SFXN4: variants seen among roughly 807,000 people sequenced by gnomAD.
SFXN4 encodes sideroflexin 4, also known as sideroflexin-4.
A neutral mutation model predicts 54.6 loss-of-function variants in SFXN4; 48 were observed. The observed-to-expected ratio is 0.88, with a 90% confidence interval of 0.70 to 1.12. The LOEUF is 1.12. Ranked by LOEUF, SFXN4 falls within the 50% of genes most tolerant of loss-of-function variation. SFXN4 has a pLI of 0.00. For missense variants in SFXN4, 383 were observed against 409.2 expected, an observed-to-expected ratio of 0.94 and a Z score of 0.55; for synonymous variants, 130 against 145.5, an observed-to-expected ratio of 0.89 and a Z score of 0.77.
chr10:119,164,067 G>T, intron 2 of SFXN4, 64 bp downstream of exon 2: 1 of 785,766 alleles, frequency 1.3e-6, no homozygotes, highest in Non-Finnish European at 2.1e-6. Context: ...AAAAAAAAGG[G>T]ACACACAGAC....
chr10:119,162,197 A>G (rs1362880304), intron 3 of SFXN4, 143 bp downstream of exon 3: 2 of 672,258 alleles, frequency 3.0e-6, no homozygotes, highest in Non-Finnish European at 5.2e-6. Context: ...TTAATAGCCA[A>G]TAGAACAGTG....
In SFXN4 at chr10:119,158,794, G is replaced by GC. The variant is rs1398978438; in HGVS notation, c.361-733dup. ...GGCCAGGAGTTCGACACCAGCCTGAGCAATGTAGCAAGACTCAGACTCTGG... is the reference window on the plus strand; with the variant it reads ...GGCCAGGAGTTCGACACCAGCCTGAGCCAATGTAGCAAGACTCAGACTCTGG... On this transcript the variant is annotated intron_variant, in intron 6 of 13. Transcript: ENST00000355697. Among the ~76,000 whole-genome samples the GC allele has an allele frequency of 2.6e-5, 4 of 151,898 alleles. No homozygotes were observed. The East Asian group carries it at 7.7e-4, about 29-fold the overall frequency.
At chr10:119,165,073 A>T in intron 1 of SFXN4, 1 of 304,944 alleles carries the variant, frequency 3.3e-6, no homozygotes, top group Non-Finnish European at 4.8e-6. Context: ...AATTACCTGT[A>T]AGGCTCACAT....
At chr10:119,158,573 G>A (rs926564081) in intron 6 of SFXN4, among the ~76,000 whole-genome samples, 11 of 133,914 alleles carry the variant, frequency 8.2e-5, no homozygotes, top group African/African-American at 3.2e-4. Flanking sequence ...CCAAGATCAT[G>A]CCATTGCACT....
At chr10:119,163,075 G>A (rs1325278625) in intron 2 of SFXN4, among the ~76,000 whole-genome samples, 3 of 152,088 alleles carry the variant, frequency 2.0e-5, no homozygotes, top group Non-Finnish European at 4.4e-5. Context: ...TGGGATTATA[G>A]ACATGAGCCA....
chr10:119,145,745 A>G (rs980441636), intron 13 of SFXN4, among the ~76,000 whole-genome samples: 5 of 152,134 alleles, frequency 3.3e-5, no homozygotes, highest in Non-Finnish European at 5.9e-5. Flanking sequence ...TTAATGGTTA[A>G]GTTTTCAGGG....
chr10:119,162,520 C>G, intron 2 of SFXN4, 106 bp from the exon 3 acceptor site: 2 of 840,262 alleles, frequency 2.4e-6, no homozygotes, highest in Non-Finnish European at 3.9e-6. Flanking sequence ...TGGACTTCGA[C>G]TGCATGCCTG....
intron 13 of SFXN4, among the ~76,000 whole-genome samples, chr10:119,143,430 T>C (rs997915520): frequency 1.3e-5 from 2 of 151,822 alleles, no homozygotes; most frequent in Admixed American, 6.6e-5. Flanking sequence ...TGACCTCCCA[T>C]GCTCAGGTGA....
At position 119,141,298 on chromosome 10, in the gene SFXN4, C is replaced by G. The variant is rs917263375; in HGVS notation, c.958G>C (p.Glu320Gln). The G allele has an allele frequency of 6.2e-7, 1 of 1,605,774 alleles. No homozygotes were observed. Among genetic ancestry groups the G allele is most frequent in the Non-Finnish European group, 8.5e-7 (1 of 1,172,660 alleles). Residue 320 changes from glutamate to glutamine, a missense_variant, in exon 14 of 14, where the codon GAG becomes CAG. Physicochemically the swap from Glu to Gln is conservative, Grantham distance 29. Transcript: ENST00000355697. ...IGQIQYCSLE[E>Q]KIQSPTEETE... is the part of the protein sequence containing the mutation. Reference sequence around the variant, plus strand: ...TCTTCTGTTGGAGACTGAATTTTCTCTTCAAGACTACAGTACTGTATCTGA... The same window carrying G: ...TCTTCTGTTGGAGACTGAATTTTCTGTTCAAGACTACAGTACTGTATCTGA...
chr10:119,151,381 CAAAA>C (rs201088205), intron 11 of SFXN4, among the ~76,000 whole-genome samples: 2 of 110,696 alleles, frequency 1.8e-5, no homozygotes, highest in African/African-American at 7.4e-5. Flanking sequence ...AACAAACAAA[CAAAA>C]AAAAAGAAGC....
intron 12 of SFXN4, 113 bp from the exon 13 acceptor site, chr10:119,146,466 T>C (rs571014222): frequency 0.017 from 7,481 of 431,100 alleles, 121 homozygotes; most frequent in South Asian, 0.022. Flanking sequence ...TGTGTGCACG[T>C]GTGTGTGTAC....
chr10:119,163,982 G>C (rs1449615946), intron 2 of SFXN4, 149 bp downstream of exon 2: 2 of 575,358 alleles, frequency 3.5e-6, no homozygotes, highest in Non-Finnish European at 6.0e-6. Context: ...AGAGGTTCTT[G>C]TGAGCCGAGA....
chr10:119,158,530 C>T (rs1326896113), intron 6 of SFXN4, among the ~76,000 whole-genome samples: 1 of 144,830 alleles, frequency 6.9e-6, no homozygotes, highest in African/African-American at 2.6e-5. Context: ...GCAGAAGAAT[C>T]GCTTGAATCT....
At chr10:119,161,186 T>C in intron 3 of SFXN4, 105 bp from the exon 4 acceptor site, 1 of 1,099,860 alleles carries the variant, frequency 9.1e-7, no homozygotes, top group South Asian at 1.3e-5. Context: ...CAATCATCAC[T>C]CACTGCAGAA....
intron 11 of SFXN4, 45 bp downstream of exon 11, chr10:119,155,017 C>T (rs758812480): frequency 3.7e-6 from 5 of 1,347,852 alleles, no homozygotes; most frequent in South Asian, 2.4e-5. Context: ...AAAGTCTAGT[C>T]GTTGCCCAAA....
intron 11 of SFXN4, among the ~76,000 whole-genome samples, chr10:119,148,608 C>T (rs950220402): frequency 2.0e-5 from 3 of 151,976 alleles, no homozygotes; most frequent in Non-Finnish European, 4.4e-5. Flanking sequence ...GCTCTGAGGG[C>T]ACGGGCACAG....
chr10:119,155,049 T>A lies in SFXN4; in HGVS notation c.732+13A>T, dbSNP rs948397716. The A allele has an allele frequency of 2.5e-6, 4 of 1,592,692 alleles. No individual in the cohort carries two copies. In the Admixed American group the frequency reaches 5.0e-5, roughly 20 times the overall value. ...CAAAAGGCAAGCAGCTATAGCTTCA[T>A]CCTGTCTCTTACCTTTGTCCCAGCA... On this transcript the variant is annotated intron_variant, in intron 11 of 13. Transcript: ENST00000355697.
chr10:119,143,216 C>G (rs1234605186), intron 13 of SFXN4, among the ~76,000 whole-genome samples: 1 of 152,196 alleles, frequency 6.6e-6, no homozygotes, highest in Non-Finnish European at 1.5e-5. Context: ...CCCCCAGCAT[C>G]CTGCCTGTTC....
chr10:119,144,955 T>G lies in SFXN4; in HGVS notation c.936+1281A>C, dbSNP rs117541045. ...GGAGAGGGCGTAGTTATAGAACATTTTGGAGTATTTAAAATTTCTCTAAGT... is the reference window on the plus strand; with the variant it reads ...GGAGAGGGCGTAGTTATAGAACATTGTGGAGTATTTAAAATTTCTCTAAGT... On this transcript the variant is annotated intron_variant, in intron 13 of 13. Coordinates refer to ENST00000355697, the MANE Select transcript of SFXN4 (RefSeq NM_213649.2). 8.4e-3 allele frequency among the ~76,000 whole-genome samples: 1,285 copies of G among 152,252 alleles called. 9 individuals carry two copies. The highest frequency in any genetic ancestry group is 0.014 in the Non-Finnish European group (965 of 68,030).
Sources: allele counts gnomAD v4.1 joint callset (sites outside exome capture counted in the v4.1 genomes callset), GRCh38; gene constraint gnomAD v4.1.1; transcripts MANE v1.5; gene names NCBI Gene and HGNC (gene_info 2026-07-23, HGNC 2026-07-21).